EPPK1: variants seen among roughly 807,000 people sequenced by gnomAD.
EPPK1 encodes the protein epiplakin 1, also known as epiplakin.
For synonymous variants in EPPK1, 1,862 were observed against 1,721.2 expected, an observed-to-expected ratio of 1.08 and a Z score of -2.03; for missense variants, 3,823 against 3,673.3, an observed-to-expected ratio of 1.04 and a Z score of -1.05.
chr8:143,874,442 T>TA (rs1486616213), intron 1 of EPPK1, among the ~76,000 whole-genome samples: 1 of 152,230 alleles, frequency 6.6e-6, no homozygotes, highest in African/African-American at 2.4e-5. Flanking sequence ...CCAACATAAC[T>TA]AGTGTCCTTA....
At position 143,868,342 on chromosome 8, in the gene EPPK1, T is replaced by G; in HGVS notation, c.4912A>C (p.Thr1638Pro). The change falls in exon 2 of 2, where the codon ACC (threonine) becomes CCC (proline). Residue 1638 changes from threonine to proline, a missense_variant. Thr to Pro is a conservative substitution (Grantham distance 38, BLOSUM62 -1). Coordinates refer to ENST00000615648, the MANE Select transcript of EPPK1 (RefSeq NM_031308.4). ...TCGGCCGACAGCAGCTTCACGTAGG[T>G]TTCTTTCCCGAACATTCCTGCTTTG... ...AFKAGMFGKE[T>P]YVKLLSAERA... 6.2e-7 allele frequency: 1 copy of G among 1,613,034 alleles called. No individual in the cohort carries two copies. The highest frequency in any genetic ancestry group is 8.5e-7 in the Non-Finnish European group (1 of 1,179,982).
rs142067632 is a variant in EPPK1 at position 143,869,882 on chromosome 8, G to A, written c.3372C>T (p.Thr1124=). ...GCAGGCTCCTCTGGACCTGCTCCTC[G>A]GTGGGGAGGGCAGGAGCACTTTCTG... The part of the protein sequence containing the change: ...PLPESAPALP[T]EEQVQRSLQA... The change falls in exon 2 of 2, where the codon ACC becomes ACT. Residue 1124 remains threonine, a synonymous_variant. Transcript: ENST00000615648. 612 of 1,606,680 alleles carry A rather than the reference G, an allele frequency of 3.8e-4. 5 individuals carry two copies. In the East Asian group the frequency reaches 0.011, roughly 29 times the overall value.
In EPPK1 at chr8:143,863,748, TGCTCCTG is replaced by T. The variant is rs1475595027; in HGVS notation, c.9499_9505del (p.Gln3167ArgfsTer31). 1 of 273,374 alleles carries T rather than the reference TGCTCCTG, an allele frequency of 3.7e-6. No homozygotes were observed. Among genetic ancestry groups the T allele is most frequent in the Non-Finnish European group, 6.8e-6 (1 of 146,484 alleles). 16.9% of individuals were successfully genotyped at this position (273,374 alleles called of 1,614,324 possible). A position where few individuals can be genotyped will look rare whatever the true frequency, so the allele number is the denominator to read the frequency against. On this transcript the variant is annotated frameshift_variant, in exon 2 of 2. Transcript: ENST00000615648. LOFTEE classifies it low-confidence loss of function (END_TRUNC). ...CTCCATGGTGGCATCACGCAGGGTC[TGCTCCTG>T]GCGGCGGGCGGCGGCGGCGGCCTCC... is the stretch of plus-strand genomic sequence containing the variant.
chr8:143,879,007 C>T (rs1232247678), upstream of EPPK1, among the ~76,000 whole-genome samples: 2 of 152,170 alleles, frequency 1.3e-5, no homozygotes, highest in Admixed American at 6.5e-5. Context: ...CGGTCTGGCT[C>T]CTCCACCTGG....
Position 143,871,840 on chromosome 8 carries a change from G to C in EPPK1, c.1414C>G (p.Pro472Ala). ...GLAFLPLSGG[P>A]RGGEPQGPPF... ...GGTCCCTGGGGCTCCCCTCCCCGGG[G>C]TCCCCCTGAGAGTGGCAGGAAGGCA... Residue 472 changes from proline (P) to alanine (A), a missense_variant, in exon 2 of 2, where the codon CCC (proline) becomes GCC (alanine). Pro to Ala is a conservative substitution (Grantham distance 27). Coordinates refer to ENST00000615648, the MANE Select transcript of EPPK1 (RefSeq NM_031308.4). The C allele has an allele frequency of 6.2e-7, 1 of 1,612,346 alleles. No homozygotes were observed. The highest frequency in any genetic ancestry group is 8.5e-7 in the Non-Finnish European group (1 of 1,179,844).
Position 143,867,178 on chromosome 8 carries a change from G to A in EPPK1, c.6076C>T (p.Pro2026Ser), listed in dbSNP as rs782089709. 6 of 1,612,740 alleles carry A rather than the reference G, an allele frequency of 3.7e-6. No homozygotes were observed. The highest frequency in any genetic ancestry group is 3.4e-6 in the Non-Finnish European group (4 of 1,179,752). ...CCCCGTCTGTAGGCTGTTTCCAGTG[G>A]GAGCCGGTGGTGGTGCTGTGGGTCG... ...VIDPQHHHRL[P>S]LETAYRRGCL... Residue 2026 changes from proline to serine, a missense_variant, in exon 2 of 2, where the codon CCA becomes TCA. Pro to Ser is a moderately conservative substitution (Grantham distance 74, BLOSUM62 -1). Transcript: ENST00000615648.
upstream of EPPK1, among the ~76,000 whole-genome samples, chr8:143,878,633 G>A (rs1457350433): frequency 6.6e-6 from 1 of 151,742 alleles, no homozygotes; most frequent in Non-Finnish European, 1.5e-5. Flanking sequence ...GGCGGCGGCT[G>A]GGCAGCCGGG....
At position 143,872,096 on chromosome 8, in the gene EPPK1, C is replaced by A; in HGVS notation, c.1158G>T (p.Val386=). 1.3e-6 allele frequency: 2 copies of A among 1,560,260 alleles called. No individual in the cohort carries two copies. Among genetic ancestry groups the A allele is most frequent in the East Asian group, 2.4e-5 (1 of 42,076 alleles). The stretch of plus-strand genomic sequence containing the variant: ...AGAGCCGCAGTGCCAGTGGCCTGTC[C>A]ACTAGCCCCTTCTTCATGGCCTGGA... ...PLFQAMKKGL[V]DRPLALRLLD... The change falls in exon 2 of 2, where the codon GTG becomes GTT. Residue 386 remains valine, a synonymous_variant. Coordinates refer to ENST00000615648, the MANE Select transcript of EPPK1 (RefSeq NM_031308.4).
Position 143,869,303 on chromosome 8 carries a change from G to A in EPPK1, c.3951C>T (p.Leu1317=), listed in dbSNP as rs369368390. The A allele has an allele frequency of 3.4e-5, 54 of 1,604,898 alleles. No homozygotes were observed. The African/African-American group carries it at 3.5e-4, about 10-fold the overall frequency. Residue 1317 remains leucine, a synonymous_variant, in exon 2 of 2, where the codon CTC becomes CTT. Coordinates refer to ENST00000615648, the MANE Select transcript of EPPK1 (RefSeq NM_031308.4). ...GLVGRELSEQ[L]GQAERAAAGY... is the part of the protein sequence containing the mutation. ...CGGCCGCCGCCCTCTCGGCCTGCCC[G>A]AGCTGCTCACTCAGCTCCCTGCCCA...
intron 1 of EPPK1, among the ~76,000 whole-genome samples, chr8:143,877,988 G>T (rs958001625): frequency 6.6e-6 from 1 of 152,156 alleles, no homozygotes; most frequent in South Asian, 2.1e-4. Flanking sequence ...CCTCCCTCCC[G>T]GCAATGTTGC....
In EPPK1 at chr8:143,869,560, CCTGGGCGGG is replaced by C. The variant is rs1343822044; in HGVS notation, c.3685_3693del (p.Pro1229_Gln1231del). On this transcript the variant is annotated inframe_deletion, in exon 2 of 2. Transcript: ENST00000615648. ...GCCTTCACCGCCGGCTGCTCGGCGA[CCTGGGCGGG>C]CGACTGCGTGCCCTGAGCCAGGGCC... 4 of 1,558,996 alleles carry C rather than the reference CCTGGGCGGG, an allele frequency of 2.6e-6. No homozygotes were observed. Among genetic ancestry groups the C allele is most frequent in the Non-Finnish European group, 3.5e-6 (4 of 1,153,990 alleles).
In EPPK1 at chr8:143,866,615, G is replaced by T. The variant is rs563449577; in HGVS notation, c.6639C>A (p.Asp2213Glu). 2 of 1,612,902 alleles carry T rather than the reference G, an allele frequency of 1.2e-6. No homozygotes were observed. Among genetic ancestry groups the T allele is most frequent in the African/African-American group, 1.3e-5 (1 of 75,064 alleles). ...CCTCCAGGTAGCGCTTGACGCGGTC[G>T]TCCTCCATGAGCTCTTGCGTCGTGC... ...GRSTTQELME[D>E]DRVKRYLEGT... The change falls in exon 2 of 2, where the codon GAC becomes GAA. Residue 2213 changes from aspartate to glutamate, a missense_variant. Asp to Glu is a conservative substitution (Grantham distance 45). Coordinates refer to ENST00000615648, the MANE Select transcript of EPPK1 (RefSeq NM_031308.4).
chr8:143,857,983 C>T lies in EPPK1; in HGVS notation c.*4G>A. On this transcript the variant is annotated 3_prime_UTR_variant, in exon 2 of 2. Coordinates refer to ENST00000615648, the MANE Select transcript of EPPK1 (RefSeq NM_031308.4). ...TTGCAGAAAACTGCACGGAGGAAGC[C>T]CAGTCACTGTAGAGAGAGAGAAAGA... The T allele has an allele frequency of 3.8e-6, 6 of 1,575,822 alleles. No individual in the cohort carries two copies. The highest frequency in any genetic ancestry group is 4.3e-6 in the Non-Finnish European group (5 of 1,157,284).
Position 143,871,918 on chromosome 8 carries a change from G to A in EPPK1, c.1336C>T (p.Leu446=), listed in dbSNP as rs1819364625. 6.2e-7 allele frequency: 1 copy of A among 1,605,970 alleles called. No homozygotes were observed. The highest frequency in any genetic ancestry group is 1.3e-5 in the African/African-American group (1 of 74,920). The change falls in exon 2 of 2, where the codon CTG becomes TTG. Residue 446 remains leucine, a synonymous_variant. Transcript: ENST00000615648. ...GSFSDGTHGG[L]RYEQLLALCV... ...AGGGCCAGCAGCTGTTCATAGCGCA[G>A]GCCGCCGTGCGTGCCGTCTGAGAAG...
rs781874216 is a variant in EPPK1 at position 143,869,445 on chromosome 8, A to C, written c.3809T>G (p.Leu1270Arg). 2 of 1,578,664 alleles carry C rather than the reference A, an allele frequency of 1.3e-6. No homozygotes were observed. The highest frequency in any genetic ancestry group is 1.1e-5 in the South Asian group (1 of 86,986). The change falls in exon 2 of 2, where the codon CTC becomes CGC. Residue 1270 changes from leucine (L) to arginine (R), a missense_variant. Transcript: ENST00000615648. ...ASIAQAVRDGLLPTGLGQRLL... is the reference protein window; with the variant it reads ...ASIAQAVRDGRLPTGLGQRLL... ...CCTCTGGCCCAGGCCTGTGGGCAGG[A>C]GGCCATCCCTCACGGCCTGGGCGAT...
chr8:143,878,808 G>A (rs1554662781), upstream of EPPK1, among the ~76,000 whole-genome samples: 4 of 152,100 alleles, frequency 2.6e-5, no homozygotes, highest in African/African-American at 9.7e-5. Context: ...CACTAATGCG[G>A]TGCGGGCTGG....
chr8:143,878,394 GC>G lies in EPPK1; in HGVS notation c.-46+43del, dbSNP rs1198741717. On this transcript the variant is annotated intron_variant, in intron 1 of 1. Coordinates refer to ENST00000615648, the MANE Select transcript of EPPK1 (RefSeq NM_031308.4). ...GCACCTGCCCGCACCCGCCGCACCTGCCCGCACCCGCCGCACCCGCCGCACC... is the reference window on the plus strand; with the variant it reads ...GCACCTGCCCGCACCCGCCGCACCTGCCGCACCCGCCGCACCCGCCGCACC... 3.3e-3 allele frequency: 106 copies of G among 32,392 alleles called. 1 individual carries two copies. The highest frequency in any genetic ancestry group is 0.012 in the African/African-American group (79 of 6,834). The allele number at this position is 32,392 out of a possible 1,614,324, so 2.0% of individuals were successfully genotyped here.
chr8:143,872,306 C>A lies in EPPK1; in HGVS notation c.948G>T (p.Leu316=). ...TEHLLPMGTA[L]PLLEAQAATH... Reference sequence around the variant, plus strand: ...TGGCAGCCTGGGCCTCTAGGAGTGGCAGCGCGGTGCCCATTGGGAGCAGGT... The same window carrying A: ...TGGCAGCCTGGGCCTCTAGGAGTGGAAGCGCGGTGCCCATTGGGAGCAGGT... Residue 316 remains leucine (L), a synonymous_variant, in exon 2 of 2, where the codon CTG becomes CTT. Transcript: ENST00000615648. 1 of 1,601,060 alleles carries A rather than the reference C, an allele frequency of 6.2e-7. No homozygotes were observed. The highest frequency in any genetic ancestry group is 8.5e-7 in the Non-Finnish European group (1 of 1,173,462).
rs370803168 is a variant in EPPK1, at chr8:143,867,041, C to A, written c.6213G>T (p.Arg2071Ser). The A allele has an allele frequency of 6.2e-7, 1 of 1,612,766 alleles. No individual in the cohort carries two copies. The highest frequency in any genetic ancestry group is 1.3e-5 in the African/African-American group (1 of 74,924). The change falls in exon 2 of 2, where the codon AGG (arginine) becomes AGT (serine). Residue 2071 changes from arginine to serine, a missense_variant. Physicochemically the swap from Arg to Ser is moderately radical, Grantham distance 110. Coordinates refer to ENST00000615648, the MANE Select transcript of EPPK1 (RefSeq NM_031308.4). ...AGCCCGTGTCCTCTTGTGGGCGGCA[C>A]CTCTCCTGCAGCTCTCGGTACGAGA... ...EKVSYRELQERCRPQEDTGWL... is the reference protein window; with the variant it reads ...EKVSYRELQESCRPQEDTGWL...
Sources: gnomAD v4.1 joint callset for allele counts (sites outside exome capture counted in the v4.1 genomes callset) on GRCh38, gnomAD v4.1.1 for gene constraint, MANE v1.5 for transcripts, NCBI Gene and HGNC (gene_info 2026-07-23, HGNC 2026-07-21) for gene names.